Variants in TNPO2 observed in about 807,000 individuals in gnomAD.
TNPO2 encodes transportin 2.
Under a neutral mutation model 111.1 loss-of-function variants are expected in TNPO2, and 16 were observed. The ratio of observed to expected loss-of-function variants is 0.14; its 90% confidence interval spans 0.10 to 0.22. The LOEUF is 0.22. Among genes scored for constraint, TNPO2 ranks in the 10% least tolerant of loss-of-function variants. TNPO2 has a pLI of 1.00. For synonymous variants in TNPO2, 481 were observed against 475.8 expected, an observed-to-expected ratio of 1.01 and a Z score of -0.14; for missense variants, 530 against 1,173.7, an observed-to-expected ratio of 0.45 and a Z score of 8.01.
At position 12,715,179 on chromosome 19, in the gene TNPO2, G is replaced by A. The variant is rs760127217; in HGVS notation, c.649-10C>T. On this transcript the variant is annotated splice_polypyrimidine_tract_variant and intron_variant, in intron 8 of 25. Coordinates refer to ENST00000425528, the MANE Select transcript of TNPO2 (RefSeq NM_001382241.1). The surrounding 1 kb of genome is among the most constrained non-coding windows in gnomAD (Gnocchi z 7.1). ...CCAGGGCAAATAGGTGCTGCAGGGA[G>A]GAACAGGGTCAGTTGTAGGGGCCCT... 1.2e-6 allele frequency: 2 copies of A among 1,612,590 alleles called. No individual in the cohort carries two copies. The highest frequency in any genetic ancestry group is 2.2e-5 in the East Asian group (1 of 44,856).
intron 5 of TNPO2, among the ~76,000 whole-genome samples, chr19:12,716,445 G>A (rs2026370123): frequency 6.6e-6 from 1 of 152,112 alleles, no homozygotes; most frequent in South Asian, 2.1e-4. Context: ...GGCCAACATG[G>A]TGAAACCCCA....
chr19:12,722,056 C>T (rs1443497846), intron 2 of TNPO2: 4 of 132,974 alleles, frequency 3.0e-5, no homozygotes, highest in Admixed American at 7.5e-5. Flanking sequence ...CCCCTCCCCC[C>T]ACCCCGCTCA....
At position 12,721,003 on chromosome 19, in the gene TNPO2, G is replaced by C; in HGVS notation, c.-13-13C>G. 6.4e-7 allele frequency: 1 copy of C among 1,554,440 alleles called. No individual in the cohort carries two copies. Among genetic ancestry groups the C allele is most frequent in the Non-Finnish European group, 8.7e-7 (1 of 1,154,364 alleles). ...GGCGCAAGGCAAGCTGCGGAGGTAGGGGCCGGGGTCAGCGCTGGGTCTCTG... is the reference window on the plus strand; with the variant it reads ...GGCGCAAGGCAAGCTGCGGAGGTAGCGGCCGGGGTCAGCGCTGGGTCTCTG... On this transcript the variant is annotated splice_polypyrimidine_tract_variant and intron_variant, in intron 2 of 25. Coordinates refer to ENST00000425528, the MANE Select transcript of TNPO2 (RefSeq NM_001382241.1). This position sits in a 1 kb window ranked among gnomAD's most constrained non-coding sequence, Gnocchi z 4.9.
chr19:12,717,737 C>T (rs1341272773), intron 5 of TNPO2, among the ~76,000 whole-genome samples: 1 of 152,108 alleles, frequency 6.6e-6, no homozygotes, highest in African/African-American at 2.4e-5. Context: ...AGTACAGTGG[C>T]ATTATCTTGG....
chr19:12,710,718 C>T lies in TNPO2; in HGVS notation c.1173G>A (p.Leu391=). ...TGAGTAGTGGGAGTAGGTGGGGCAG[C>T]AGTTCCTCCCGGAAGACATTGGCGA... The part of the protein sequence containing the change: ...DVLANVFREE[L]LPHLLPLLKG... The change falls in exon 13 of 26, where the codon CTG becomes CTA. Residue 391 remains leucine (L), a synonymous_variant. Transcript: ENST00000425528. 1 of 1,613,290 alleles carries T rather than the reference C, an allele frequency of 6.2e-7. No homozygotes were observed. The highest frequency in any genetic ancestry group is 2.2e-5 in the East Asian group (1 of 44,824).
At position 12,705,212 on chromosome 19, in the gene TNPO2, G is replaced by A. The variant is rs1026270897; in HGVS notation, c.2022+28C>T. The A allele has an allele frequency of 1.6e-5, 26 of 1,587,864 alleles. No homozygotes were observed. Among genetic ancestry groups the A allele is most frequent in the Non-Finnish European group, 2.1e-5 (25 of 1,167,684 alleles). On this transcript the variant is annotated intron_variant, in intron 18 of 25. Transcript: ENST00000425528. The surrounding 1 kb of genome is among the most constrained non-coding windows in gnomAD (Gnocchi z 7.2). ...GGGCAGCCCACGCAGGCTGCTGGGT[G>A]TCATCACTGTCCAGGGTCCCCACCC... is the stretch of plus-strand genomic sequence containing the variant.
In TNPO2 at chr19:12,710,964, G is replaced by A. The variant is rs184285126; in HGVS notation, c.1118-191C>T. Among the ~76,000 whole-genome samples, 10 of 152,050 alleles carry A rather than the reference G, an allele frequency of 6.6e-5. No individual in the cohort carries two copies. The East Asian group carries it at 1.2e-3, about 18-fold the overall frequency. On this transcript the variant is annotated intron_variant, in intron 12 of 25. Coordinates refer to ENST00000425528, the MANE Select transcript of TNPO2 (RefSeq NM_001382241.1). ...GGCCGGAGTGCAGTGGCGCTATCTC[G>A]GCTCACTGCAAGCTCCGCCTCCTGG...
rs1194257803 is a variant in TNPO2 at position 12,715,284 on chromosome 19, G to C, written c.607C>G (p.Arg203Gly). ...IACVNQFIMD[R>G]AQALMDNIDT... Reference sequence around the variant, plus strand: ...ATATTGTCCATCAGCGCCTGGGCCCGGTCCATGATGAACTGGTTCACGCAG... The same window carrying C: ...ATATTGTCCATCAGCGCCTGGGCCCCGTCCATGATGAACTGGTTCACGCAG... Residue 203 changes from arginine to glycine, a missense_variant, in exon 8 of 26, where the codon CGG becomes GGG. Arg to Gly is a moderately radical substitution (Grantham distance 125, BLOSUM62 -2). This residue lies in a region of TNPO2 where 156 missense variants were observed against 405.8 expected (regional missense o/e 0.38). Transcript: ENST00000425528. This position sits in a 1 kb window ranked among gnomAD's most constrained non-coding sequence, Gnocchi z 7.1. The C allele has an allele frequency of 3.7e-6, 6 of 1,613,418 alleles. No homozygotes were observed. Among genetic ancestry groups the C allele is most frequent in the Admixed American group, 1.7e-5 (1 of 59,894 alleles).
intron 18 of TNPO2, 73 bp from the exon 19 acceptor site, chr19:12,703,874 C>T: frequency 7.5e-7 from 1 of 1,329,288 alleles, no homozygotes; most frequent in Non-Finnish European, 1.0e-6. Context: ...GGGCACAGTC[C>T]CTGGTGCATG....
chr19:12,719,473 A>G lies in TNPO2; in HGVS notation c.100-137T>C, dbSNP rs529020709. 755 of 730,922 alleles carry G rather than the reference A, an allele frequency of 1.0e-3. 4 individuals are homozygous for G. Among genetic ancestry groups the G allele is most frequent in the Middle Eastern group, 7.5e-3 (22 of 2,914 alleles). 45.3% of individuals were successfully genotyped at this position (730,922 alleles called of 1,614,324 possible). ...GGATCCCGCTCCCTAATAAGCCCAC[A>G]ATGACACAGAGCACCTCAGACACGT... On this transcript the variant is annotated intron_variant, in intron 3 of 25. Transcript: ENST00000425528. The surrounding 1 kb of genome is among the most constrained non-coding windows in gnomAD (Gnocchi z 5.0).
chr19:12,715,427 T>C lies in TNPO2; in HGVS notation c.544A>G (p.Lys182Glu). ...IMIPKFLQFF[K>E]HCSPKIRSHA... ...CACCGGATCTTGGGACTGCAGTGCT[T>C]GAAGAACTGCAGGAACTTGGGGATC... The change falls in exon 7 of 26, where the codon AAG becomes GAG. Residue 182 changes from lysine (K) to glutamate (E), a missense_variant. This residue lies in a region of TNPO2 where 156 missense variants were observed against 405.8 expected (regional missense o/e 0.38). Coordinates refer to ENST00000425528, the MANE Select transcript of TNPO2 (RefSeq NM_001382241.1). The surrounding 1 kb of genome is among the most constrained non-coding windows in gnomAD (Gnocchi z 7.1). The C allele has an allele frequency of 1.2e-6, 2 of 1,613,794 alleles. No individual in the cohort carries two copies. The highest frequency in any genetic ancestry group is 1.7e-6 in the Non-Finnish European group (2 of 1,179,848).
intron 2 of TNPO2, chr19:12,722,460 G>A (rs1437074811): frequency 1.3e-5 from 2 of 150,308 alleles, no homozygotes; most frequent in Admixed American, 1.3e-4. Flanking sequence ...GTCGGGCTCT[G>A]AGTGAGGCCC....
chr19:12,701,867 C>T lies in TNPO2; in HGVS notation c.2412-16G>A, dbSNP rs2025327408. On this transcript the variant is annotated splice_polypyrimidine_tract_variant and intron_variant, in intron 22 of 25. Coordinates refer to ENST00000425528, the MANE Select transcript of TNPO2 (RefSeq NM_001382241.1). The surrounding 1 kb of genome is among the most constrained non-coding windows in gnomAD (Gnocchi z 5.0). ...GGACGTGCACCTGTGGGAAGGTGAG[C>T]AGCTGGAGGTCAGAGGGCAGGCTGG... 5 of 1,606,152 alleles carry T rather than the reference C, an allele frequency of 3.1e-6. No homozygotes were observed. Among genetic ancestry groups the T allele is most frequent in the Admixed American group, 1.7e-5 (1 of 59,996 alleles).
In TNPO2 at chr19:12,721,200, G is replaced by A; in HGVS notation, c.-13-210C>T. ...GTCGCGGGCTCGGGAGCGCGGGAGG[G>A]GGGATGTGGAAACGGGCCACAGGCG... is the stretch of plus-strand genomic sequence containing the variant. On this transcript the variant is annotated intron_variant, in intron 2 of 25. Transcript: ENST00000425528. The surrounding 1 kb of genome is among the most constrained non-coding windows in gnomAD (Gnocchi z 4.9). 2 of 1,377,850 alleles carry A rather than the reference G, an allele frequency of 1.5e-6. No homozygotes were observed. Among genetic ancestry groups the A allele is most frequent in the Non-Finnish European group, 1.9e-6 (2 of 1,072,286 alleles). 85.4% of individuals were successfully genotyped at this position (1,377,850 alleles called of 1,614,324 possible).
chr19:12,721,067 C>T lies in TNPO2; in HGVS notation c.-13-77G>A. On this transcript the variant is annotated intron_variant, in intron 2 of 25. Transcript: ENST00000425528. This position sits in a 1 kb window ranked among gnomAD's most constrained non-coding sequence, Gnocchi z 4.9. ...GACCCAGGTGGAGCCCCTGAGGCCG[C>T]GGTGGCCGCATGACGACGGGAACGC... 2 of 1,531,670 alleles carry T rather than the reference C, an allele frequency of 1.3e-6. No individual in the cohort carries two copies. Among genetic ancestry groups the T allele is most frequent in the Non-Finnish European group, 1.7e-6 (2 of 1,144,698 alleles). The allele number at this position is 1,531,670 out of a possible 1,614,324, so 94.9% of individuals were successfully genotyped here.
chr19:12,723,233 T>TTTG lies in TNPO2; in HGVS notation c.-14+15_-14+16insCAA, dbSNP rs1457658569. 1 of 152,214 alleles carries TTTG rather than the reference T, an allele frequency of 6.6e-6. No homozygotes were observed. The highest frequency in any genetic ancestry group is 1.5e-5 in the Non-Finnish European group (1 of 68,050). The allele number at this position is 152,214 out of a possible 1,614,324, so 9.4% of individuals were successfully genotyped here. On this transcript the variant is annotated intron_variant, in intron 2 of 25. Transcript: ENST00000425528. ...AATAAAATAAACTTTGAACCACGCC[T>TTTG]AATCCCTTTCCCTACCTGAAGTTGA...
intron 3 of TNPO2, 147 bp downstream of exon 3, chr19:12,720,732 G>T: frequency 1.0e-6 from 1 of 997,642 alleles, no homozygotes; most frequent in South Asian, 1.8e-5. Context: ...CCCAGGAATT[G>T]TAATCCTTCT....
rs776266374 is a variant in TNPO2 at position 12,706,635 on chromosome 19, G to A, written c.1431C>T (p.Pro477=). The stretch of plus-strand genomic sequence containing the variant: ...TGCGTTTGAGCAGCTCTGTCATCAG[G>A]GGCTTGAGGTGCATGTCGGGTGGCT... ...VSQPPDMHLK[P]LMTELLKRIL... The change falls in exon 14 of 26, where the codon CCC becomes CCT. Residue 477 remains proline (P), a synonymous_variant. Transcript: ENST00000425528. The surrounding 1 kb of genome is among the most constrained non-coding windows in gnomAD (Gnocchi z 7.0). The A allele has an allele frequency of 6.2e-7, 1 of 1,613,990 alleles. No individual in the cohort carries two copies. The highest frequency in any genetic ancestry group is 8.5e-7 in the Non-Finnish European group (1 of 1,179,898).
At chr19:12,704,186 GC>G (rs1472027500) in intron 18 of TNPO2, among the ~76,000 whole-genome samples, 2 of 152,186 alleles carry the variant, frequency 1.3e-5, no homozygotes, top group Non-Finnish European at 2.9e-5. Context: ...GGCCAACATG[GC>G]AAAACCCTGT....
Sources: gnomAD v4.1 joint callset for allele counts (sites outside exome capture counted in the v4.1 genomes callset) on GRCh38, gnomAD v4.1.1 for gene constraint, gnomAD v4.1.1 regional missense constraint, Gnocchi (gnomAD v3.1) non-coding constraint, MANE v1.5 for transcripts, NCBI Gene and HGNC (gene_info 2026-07-23, HGNC 2026-07-21) for gene names.